RABGEF1: variants seen among roughly 807,000 people sequenced by gnomAD.
RABGEF1 encodes RAB guanine nucleotide exchange factor 1, also known as rab5 GDP/GTP exchange factor.
Under a neutral mutation model 57.3 loss-of-function variants are expected in RABGEF1, and 26 were observed. That is an observed-to-expected ratio of 0.45 (90% CI 0.33 to 0.63). The LOEUF (loss-of-function observed/expected upper bound fraction) is 0.63, where lower values mean the gene tolerates loss of function less well. Ranked by LOEUF, RABGEF1 falls within the 20% of genes least tolerant of loss-of-function variation. The pLI is 0.02. For synonymous variants in RABGEF1, 185 were observed against 210.7 expected (o/e 0.88, Z 1.06); for missense variants, 464 against 607.6 (o/e 0.76, Z 2.48).
At chr7:66,736,738 G>A (rs1797983840), upstream of RABGEF1, among the ~76,000 whole-genome samples, 1 of 152,124 alleles carries the variant, frequency 6.6e-6, no homozygotes, top group South Asian at 2.1e-4. Context: ...GCTTGCGCCT[G>A]TAATCCCAGC....
At chr7:66,658,726 G>A in the RABGEF1 span, among the ~76,000 whole-genome samples, 1 of 152,144 alleles carries the variant, frequency 6.6e-6, no homozygotes, top group African/African-American at 2.4e-5. Flanking sequence ...TGAAGAGGAG[G>A]AAATACTTTC....
At chr7:66,706,706 G>A (rs1202103667) in intron 1 of RABGEF1, among the ~76,000 whole-genome samples, 3 of 150,708 alleles carry the variant, frequency 2.0e-5, no homozygotes, top group Admixed American at 1.3e-4. Flanking sequence ...GAGCCACCGC[G>A]CCTAGCTGAC....
the RABGEF1 span, among the ~76,000 whole-genome samples, chr7:66,658,945 C>T: frequency 5.9e-5 from 9 of 151,952 alleles, no homozygotes; most frequent in Admixed American, 5.9e-4. Flanking sequence ...CTGTGTTAGC[C>T]AGGATGATCT....
At chr7:66,678,028 C>G (rs1194555873), upstream of RABGEF1, among the ~76,000 whole-genome samples, 1 of 151,814 alleles carries the variant, frequency 6.6e-6, no homozygotes, top group Admixed American at 6.6e-5. Flanking sequence ...TGTGACACTG[C>G]ACTCCAGTCT....
At chr7:66,776,640 A>G in intron 3 of RABGEF1, among the ~76,000 whole-genome samples, 1 of 152,230 alleles carries the variant, frequency 6.6e-6, no homozygotes, top group Non-Finnish European at 1.5e-5. Flanking sequence ...GGTTGCAGTG[A>G]GCCGAAATCG....
At chr7:66,780,487 A>G (rs1256796610) in intron 3 of RABGEF1, among the ~76,000 whole-genome samples, 1 of 152,234 alleles carries the variant, frequency 6.6e-6, no homozygotes, top group Non-Finnish European at 1.5e-5. Flanking sequence ...TAAGTTACTA[A>G]CATTATTATT....
chr7:66,758,768 T>C (rs1213365312), intron 1 of RABGEF1, among the ~76,000 whole-genome samples: 2 of 152,242 alleles, frequency 1.3e-5, no homozygotes, highest in Non-Finnish European at 2.9e-5. Context: ...GGTGGTACCC[T>C]TGCTCTCTTT....
At chr7:66,691,367 C>G (rs915670530) in intron 1 of RABGEF1, among the ~76,000 whole-genome samples, 2 of 150,166 alleles carry the variant, frequency 1.3e-5, no homozygotes, top group Non-Finnish European at 3.0e-5. Flanking sequence ...AAACTGTACA[C>G]AGCCCAGATG....
At chr7:66,685,602 C>T (rs991413664) in intron 1 of RABGEF1, among the ~76,000 whole-genome samples, 9 of 152,210 alleles carry the variant, frequency 5.9e-5, no homozygotes, top group Non-Finnish European at 1.0e-4. Flanking sequence ...GCACTCATTT[C>T]TGTTTTTGCA....
chr7:66,659,200 C>A, the RABGEF1 span, among the ~76,000 whole-genome samples: 2 of 152,098 alleles, frequency 1.3e-5, no homozygotes, highest in South Asian at 4.1e-4. Flanking sequence ...CGCCTGTAAT[C>A]CCAGCACTTT....
intron 2 of RABGEF1, among the ~76,000 whole-genome samples, chr7:66,734,822 G>A (rs571250366): frequency 6.6e-6 from 1 of 152,230 alleles, no homozygotes; most frequent in East Asian, 1.9e-4. Flanking sequence ...GCTGGTCGCT[G>A]TGGCTTCCTC....
intron 1 of RABGEF1, among the ~76,000 whole-genome samples, chr7:66,755,051 T>C (rs1261439102): frequency 6.6e-6 from 1 of 152,078 alleles, no homozygotes; most frequent in Non-Finnish European, 1.5e-5. Context: ...TCCCAGCACT[T>C]TGGGAGGCCA....
chr7:66,704,576 C>T (rs553381956), intron 1 of RABGEF1, among the ~76,000 whole-genome samples: 6 of 152,024 alleles, frequency 3.9e-5, no homozygotes, highest in South Asian at 4.2e-4. Flanking sequence ...TTTGGGAGGC[C>T]GAGGCGGGTG....
intron 8 of RABGEF1, among the ~76,000 whole-genome samples, chr7:66,806,982 C>T (rs951260558): frequency 2.0e-5 from 3 of 152,106 alleles, no homozygotes; most frequent in East Asian, 1.9e-4. Flanking sequence ...CACTTGCCTA[C>T]GAGGGAAGAG....
At chr7:66,790,033 G>C (rs1456233362) in intron 4 of RABGEF1, among the ~76,000 whole-genome samples, 1 of 152,248 alleles carries the variant, frequency 6.6e-6, no homozygotes, top group African/African-American at 2.4e-5. Flanking sequence ...GGAGGCTGTA[G>C]AAGAAGATAA....
the RABGEF1 span, among the ~76,000 whole-genome samples, chr7:66,664,203 TG>T: frequency 6.6e-6 from 1 of 151,774 alleles, no homozygotes; most frequent in Non-Finnish European, 1.5e-5. Context: ...TTTGGTGGAA[TG>T]GGGTGACAGA....
Position 66,797,781 on chromosome 7 carries a change from G to C in RABGEF1, c.728+275G>C, listed in dbSNP as rs187334115. Among the ~76,000 whole-genome samples the C allele has an allele frequency of 2.1e-3, 326 of 152,304 alleles. 1 individual carries two copies. The highest frequency in any genetic ancestry group is 7.4e-3 in the African/African-American group (309 of 41,556). ...AATCTCCAAGGAATAGGGGGACTGT[G>C]TTCTTGGTCCATTACCATCTCCTCA... On this transcript the variant is annotated intron_variant, in intron 6 of 8. Transcript: ENST00000284957.
chr7:66,667,963 G>A, the RABGEF1 span, among the ~76,000 whole-genome samples: 1 of 151,940 alleles, frequency 6.6e-6, no homozygotes, highest in Admixed American at 6.6e-5. Context: ...ACGCCTGGCT[G>A]ATTTTTGTAT....
intron 1 of RABGEF1, among the ~76,000 whole-genome samples, chr7:66,753,365 A>T (rs1486766438): frequency 2.6e-5 from 4 of 152,242 alleles, no homozygotes; most frequent in African/African-American, 9.6e-5. Context: ...ATTTGTGGAA[A>T]ACTCATTTCT....
Sources: gnomAD v4.1 joint callset for allele counts (sites outside exome capture counted in the v4.1 genomes callset) on GRCh38, gnomAD v4.1.1 for gene constraint, MANE v1.5 for transcripts, NCBI Gene and HGNC (gene_info 2026-07-23, HGNC 2026-07-21) for gene names.